The following TMEM131 variants were observed in gnomAD, a reference collection of about 807,000 sequenced individuals.
TMEM131 encodes 2610524E03Rik.
TMEM131 carries 66 observed loss-of-function variants against 211.6 expected under a neutral mutation model. That is an observed-to-expected ratio of 0.31 (90% confidence interval 0.26 to 0.38). The LOEUF (loss-of-function observed/expected upper bound fraction) is 0.38. Ranked by LOEUF, TMEM131 falls within the 10% of genes least tolerant of loss-of-function variation. The pLI is 1.00. For missense variants in TMEM131, 2,036 were observed against 2,299.3 expected, an observed-to-expected ratio of 0.89 and a Z score of 2.34; for synonymous variants, 844 against 841.3, an observed-to-expected ratio of 1.00 and a Z score of -0.06.
chr2:97,834,104 TAAC>T (rs1682832503), intron 10 of TMEM131, among the ~76,000 whole-genome samples: 2 of 152,226 alleles, frequency 1.3e-5, no homozygotes, highest in African/African-American at 4.8e-5. Flanking sequence ...TCTTCAATCT[TAAC>T]TACATATTAT....
chr2:97,791,069 G>C (rs1262290661), intron 31 of TMEM131, among the ~76,000 whole-genome samples: 2 of 152,208 alleles, frequency 1.3e-5, no homozygotes. Context: ...TACAGGCTTG[G>C]AATAATGTAT....
chr2:97,800,629 G>A (rs1360224589), intron 25 of TMEM131, among the ~76,000 whole-genome samples: 3 of 150,560 alleles, frequency 2.0e-5, no homozygotes, highest in African/African-American at 7.3e-5. Context: ...GTGGTGGCAC[G>A]TGCCTGTAAT....
At chr2:97,988,562 T>C (rs1273790434) in intron 1 of TMEM131, among the ~76,000 whole-genome samples, 2 of 152,130 alleles carry the variant, frequency 1.3e-5, no homozygotes, top group African/African-American at 4.8e-5. Flanking sequence ...TATAAGGAAC[T>C]CCTATAACTC....
chr2:97,860,527 G>T (rs115267012), intron 4 of TMEM131, among the ~76,000 whole-genome samples: 2,758 of 152,334 alleles, frequency 0.018, 24 homozygotes, highest in Middle Eastern at 0.065. Context: ...CGCAGAGCCA[G>T]AACTTCATTT....
In TMEM131 at chr2:97,959,349, ACCAACTGCTTCAGCC is replaced by A. The variant is rs775419242; in HGVS notation, c.188-31877_188-31863del. On this transcript the variant is annotated intron_variant, in intron 1 of 40. Transcript: ENST00000186436. ...GGGAAGAGCTGGACAGGTTTGAAGA[ACCAACTGCTTCAGCC>A]CCATGGTCAAGGCCTGGAAGAGCCA... is the stretch of plus-strand genomic sequence containing the variant. 4.3e-4 allele frequency among the ~76,000 whole-genome samples: 65 copies of A among 152,230 alleles called. No individual in the cohort carries two copies. The Middle Eastern group carries it at 0.024, about 56-fold the overall frequency.
At chr2:97,819,775 G>A (rs959713061) in intron 11 of TMEM131, among the ~76,000 whole-genome samples, 1 of 152,200 alleles carries the variant, frequency 6.6e-6, no homozygotes, top group Non-Finnish European at 1.5e-5. Context: ...TTTTCTGTGA[G>A]ACTTATCAGG....
At chr2:97,943,308 T>G (rs540815129) in intron 1 of TMEM131, among the ~76,000 whole-genome samples, 88 of 152,286 alleles carry the variant, frequency 5.8e-4, no homozygotes, top group African/African-American at 2.0e-3. Context: ...TTCCAAATTA[T>G]TATATGAAGC....
chr2:97,906,264 C>T (rs1676065158), intron 3 of TMEM131, among the ~76,000 whole-genome samples: 1 of 152,164 alleles, frequency 6.6e-6, no homozygotes, highest in African/African-American at 2.4e-5. Flanking sequence ...TTATAGCATC[C>T]TGGACTCACT....
intron 32 of TMEM131, among the ~76,000 whole-genome samples, chr2:97,774,285 CACGTGGCCTGGCACG>C (rs1375438806): frequency 2.0e-5 from 3 of 152,244 alleles, no homozygotes; most frequent in Non-Finnish European, 4.4e-5. Context: ...ACGCACCTAG[CACGTGGCCTGGCACG>C]TGGGTGCTCA....
intron 2 of TMEM131, chr2:97,911,639 G>A (rs1244021608): frequency 1.0e-6 from 1 of 985,184 alleles, no homozygotes; most frequent in African/African-American, 1.7e-5. Context: ...AAGCTGTCTT[G>A]TGAAAGATAA....
chr2:97,845,636 G>A (rs943923001), intron 5 of TMEM131, among the ~76,000 whole-genome samples: 4 of 151,638 alleles, frequency 2.6e-5, no homozygotes, highest in African/African-American at 9.7e-5. Context: ...GAACAGAAAT[G>A]TTTCACATCA....
chr2:97,950,324 G>A (rs1342378403), intron 1 of TMEM131, among the ~76,000 whole-genome samples: 2 of 152,134 alleles, frequency 1.3e-5, no homozygotes, highest in East Asian at 1.9e-4. Context: ...AAAAAGCTAC[G>A]TACCTAAGAT....
chr2:97,825,896 G>A (rs1039236836), intron 11 of TMEM131, among the ~76,000 whole-genome samples: 5 of 152,220 alleles, frequency 3.3e-5, no homozygotes, highest in Non-Finnish European at 7.3e-5. Flanking sequence ...TGGCATAGTA[G>A]GTGCCAAAGG....
rs554941897 is a variant in TMEM131, at chr2:97,903,680, T to G, written c.290+4978A>C. On this transcript the variant is annotated intron_variant, in intron 3 of 40. Transcript: ENST00000186436. ...AATATCAGAAAACTCTAGCTGGGTT[T>G]GTTTGTTTATTTATTTATTTATTTA... 1.5e-4 allele frequency among the ~76,000 whole-genome samples: 22 copies of G among 148,512 alleles called. No individual in the cohort carries two copies. In the South Asian group the frequency reaches 4.6e-3, roughly 31 times the overall value.
intron 2 of TMEM131, among the ~76,000 whole-genome samples, chr2:97,924,258 C>T (rs1192055012): frequency 6.6e-6 from 1 of 152,178 alleles, no homozygotes; most frequent in Admixed American, 6.5e-5. Context: ...TGGCATGTGC[C>T]TGTAGTCCCA....
At chr2:97,885,929 G>C (rs1675137960) in intron 4 of TMEM131, among the ~76,000 whole-genome samples, 1 of 151,978 alleles carries the variant, frequency 6.6e-6, no homozygotes, top group Non-Finnish European at 1.5e-5. Context: ...TTCACTTCAT[G>C]GTATACAATA....
At chr2:97,929,402 T>C (rs185875319) in intron 1 of TMEM131, among the ~76,000 whole-genome samples, 5 of 151,910 alleles carry the variant, frequency 3.3e-5, no homozygotes, top group South Asian at 4.1e-4. Flanking sequence ...ATTTCAACTA[T>C]GTGATATTTC....
At chr2:97,792,134 G>A (rs954943949) in intron 31 of TMEM131, among the ~76,000 whole-genome samples, 2 of 151,290 alleles carry the variant, frequency 1.3e-5, no homozygotes, top group African/African-American at 2.4e-5. Context: ...TCAGGCAGCT[G>A]AAAAGAAAAG....
At chr2:97,816,917 C>G (rs888380335) in intron 12 of TMEM131, among the ~76,000 whole-genome samples, 1 of 152,162 alleles carries the variant, frequency 6.6e-6, no homozygotes, top group Non-Finnish European at 1.5e-5. Flanking sequence ...CACTTCCTGA[C>G]TGATTTTCAC....
Sources: gnomAD v4.1 joint callset for allele counts (sites outside exome capture counted in the v4.1 genomes callset) on GRCh38, gnomAD v4.1.1 for gene constraint, MANE v1.5 for transcripts, NCBI Gene and HGNC (gene_info 2026-07-23, HGNC 2026-07-21) for gene names.